The following SDK1 variants were observed in gnomAD, a reference collection of about 807,000 sequenced individuals.
SDK1 encodes the protein sidekick cell adhesion molecule 1, also known as protein sidekick-1.
A neutral mutation model predicts 245.5 loss-of-function variants in SDK1; 157 were observed. The ratio of observed to expected loss-of-function variants is 0.64; its 90% confidence interval spans 0.56 to 0.73. The LOEUF (loss-of-function observed/expected upper bound fraction) is 0.73, where lower values mean the gene tolerates loss of function less well. Among genes scored for constraint, SDK1 ranks in the 30% least tolerant of loss-of-function variants. The probability of loss-of-function intolerance (pLI) is 0.00; values close to 1 mark genes in which losing one functional copy is unlikely to be tolerated. For synonymous variants in SDK1, 1,647 were observed against 1,278.5 expected, an observed-to-expected ratio of 1.29 and a Z score of -6.15; for missense variants, 3,583 against 3,002.3, an observed-to-expected ratio of 1.19 and a Z score of -4.52.
At chr7:3,710,969 T>C (rs1196468875) in intron 4 of SDK1, among the ~76,000 whole-genome samples, 1 of 152,248 alleles carries the variant, frequency 6.6e-6, no homozygotes, top group African/African-American at 2.4e-5. Context: ...AGCTTTTCTT[T>C]ACATGTATAT....
intron 1 of SDK1, among the ~76,000 whole-genome samples, chr7:3,487,974 G>A (rs1314320307): frequency 6.6e-6 from 1 of 152,028 alleles, no homozygotes; most frequent in African/African-American, 2.4e-5. Context: ...TGGTATTGTT[G>A]CTACACATTT....
At chr7:3,485,288 A>G (rs1781650040) in intron 1 of SDK1, among the ~76,000 whole-genome samples, 1 of 152,144 alleles carries the variant, frequency 6.6e-6, no homozygotes, top group Non-Finnish European at 1.5e-5. Flanking sequence ...CGTGGTGGCC[A>G]TTTGCAGGTC....
intron 1 of SDK1, among the ~76,000 whole-genome samples, chr7:3,465,207 A>G (rs549062819): frequency 6.6e-6 from 1 of 152,264 alleles, no homozygotes; most frequent in South Asian, 2.1e-4. Flanking sequence ...TTTGACTTGT[A>G]GCATCTCTGG....
intron 4 of SDK1, among the ~76,000 whole-genome samples, chr7:3,672,762 TATATATA>T (rs1562646639): frequency 8.7e-5 from 5 of 57,644 alleles, no homozygotes; most frequent in African/African-American, 3.5e-4. Flanking sequence ...TATAATTTTA[TATATATA>T]TATATATATA....
At chr7:3,491,993 CACATT>C (rs1363781310) in intron 1 of SDK1, among the ~76,000 whole-genome samples, 1 of 152,174 alleles carries the variant, frequency 6.6e-6, no homozygotes. Flanking sequence ...CCATATGGAA[CACATT>C]ACGTTTTCTT....
chr7:3,927,135 C>T (rs921722252), intron 5 of SDK1, among the ~76,000 whole-genome samples: 3 of 150,584 alleles, frequency 2.0e-5, no homozygotes, highest in Non-Finnish European at 3.0e-5. Flanking sequence ...TGGATTTGGG[C>T]GGCCCAGAAA....
At chr7:3,919,864 C>T (rs75297274) in intron 5 of SDK1, among the ~76,000 whole-genome samples, 4 of 152,258 alleles carry the variant, frequency 2.6e-5, no homozygotes, top group Non-Finnish European at 5.9e-5. Flanking sequence ...TCAGGGAGGT[C>T]ACATCCCTCT....
intron 2 of SDK1, among the ~76,000 whole-genome samples, chr7:3,633,715 C>T (rs1308594402): frequency 6.6e-6 from 1 of 152,138 alleles, no homozygotes; most frequent in Admixed American, 6.5e-5. Flanking sequence ...ATTATTTTGG[C>T]TATGTTCTAG....
At chr7:3,569,821 C>T (rs1780050999) in intron 1 of SDK1, among the ~76,000 whole-genome samples, 1 of 152,188 alleles carries the variant, frequency 6.6e-6, no homozygotes, top group African/African-American at 2.4e-5. Context: ...AATTTGACCT[C>T]AGGCTTGTTA....
intron 25 of SDK1, among the ~76,000 whole-genome samples, chr7:4,123,319 T>C (rs1028427700): frequency 6.6e-6 from 1 of 152,116 alleles, no homozygotes; most frequent in Non-Finnish European, 1.5e-5. Flanking sequence ...GGATACGTTG[T>C]AGGTTTACAT....
intron 1 of SDK1, among the ~76,000 whole-genome samples, chr7:3,553,045 A>C (rs1299827901): frequency 6.6e-6 from 1 of 152,166 alleles, no homozygotes; most frequent in Non-Finnish European, 1.5e-5. Flanking sequence ...GTAAATAAAA[A>C]ATTTAAAAGT....
intron 1 of SDK1, among the ~76,000 whole-genome samples, chr7:3,476,917 T>C (rs1345001807): frequency 6.6e-6 from 1 of 152,072 alleles, no homozygotes; most frequent in African/African-American, 2.4e-5. Flanking sequence ...GGAACTCCTC[T>C]AACTGGTGAG....
intron 1 of SDK1, among the ~76,000 whole-genome samples, chr7:3,414,111 G>A (rs1779293213): frequency 6.6e-6 from 1 of 152,156 alleles, no homozygotes; most frequent in South Asian, 2.1e-4. Flanking sequence ...ACATATTTTT[G>A]CAGAGGTGGA....
At chr7:3,314,844 C>G (rs116049407) in intron 1 of SDK1, among the ~76,000 whole-genome samples, 189 of 152,060 alleles carry the variant, frequency 1.2e-3, no homozygotes, top group African/African-American at 3.8e-3. Flanking sequence ...AAAAATTGCT[C>G]TTTCTTGGGT....
At chr7:3,485,519 G>C (rs1312786910) in intron 1 of SDK1, among the ~76,000 whole-genome samples, 1 of 151,912 alleles carries the variant, frequency 6.6e-6, no homozygotes, top group Non-Finnish European at 1.5e-5. Flanking sequence ...CAGGGTGTAG[G>C]TAATGTGAGA....
At chr7:4,094,123 C>T (rs1458096190) in intron 22 of SDK1, among the ~76,000 whole-genome samples, 1 of 152,046 alleles carries the variant, frequency 6.6e-6, no homozygotes, top group African/African-American at 2.4e-5. Context: ...GTGATGTGAT[C>T]TCAGCTCACT....
chr7:4,163,116 C>T (rs1031898276), intron 32 of SDK1, among the ~76,000 whole-genome samples: 10 of 152,226 alleles, frequency 6.6e-5, no homozygotes, highest in African/African-American at 2.4e-4. Flanking sequence ...TTCTGGCCCA[C>T]AGGGAGGTTC....
intron 1 of SDK1, among the ~76,000 whole-genome samples, chr7:3,584,227 AG>A (rs1315967547): frequency 1.3e-5 from 2 of 152,128 alleles, no homozygotes; most frequent in African/African-American, 4.8e-5. Flanking sequence ...TGACTGTAGG[AG>A]GGGATATGTT....
Position 4,017,363 on chromosome 7 carries a change from C to T in SDK1, c.2602+11C>T, listed in dbSNP as rs1031961915. On this transcript the variant is annotated intron_variant, in intron 17 of 44. Transcript: ENST00000404826. ...ACACCTTGCAGGGAGGTAAGCTTGTCTCCAAAACCACGAGGTGGCGGGATC... is the reference window on the plus strand; with the variant it reads ...ACACCTTGCAGGGAGGTAAGCTTGTTTCCAAAACCACGAGGTGGCGGGATC... 1.3e-6 allele frequency: 2 copies of T among 1,594,696 alleles called. No individual in the cohort carries two copies. Among genetic ancestry groups the T allele is most frequent in the African/African-American group, 1.3e-5 (1 of 74,518 alleles).
Sources: allele counts gnomAD v4.1 joint callset (sites outside exome capture counted in the v4.1 genomes callset), GRCh38; gene constraint gnomAD v4.1.1; transcripts MANE v1.5; gene names NCBI Gene and HGNC (gene_info 2026-07-23, HGNC 2026-07-21).